Variants in SALL4 observed in about 807,000 individuals in gnomAD.
SALL4 encodes sal-like protein 4.
Under a neutral mutation model 60.8 loss-of-function variants are expected in SALL4, and 4 were observed. The ratio of observed to expected loss-of-function variants is 0.07; its 90% CI spans 0.03 to 0.15. The LOEUF is 0.15. SALL4 is among the 10% of genes least tolerant of loss of function. The pLI, the probability that SALL4 is intolerant of heterozygous loss-of-function variation, is 1.00. For missense variants in SALL4, 1,178 were observed against 1,394.7 expected (o/e 0.84, Z 2.48); for synonymous variants, 580 against 574.9 (o/e 1.01, Z -0.13).
rs376632759 is a variant in SALL4, at chr20:51,791,908, G to T, written c.575C>A (p.Ala192Glu). The T allele has an allele frequency of 9.0e-5, 146 of 1,614,190 alleles. No individual in the cohort carries two copies. The highest frequency in any genetic ancestry group is 8.2e-4 in the Middle Eastern group (5 of 6,062). The part of the protein sequence containing the change: ...TLQALRGTKV[A>E]VNQRSADALP... ...TGCATCCGCGCTCCGCTGATTCACC[G>T]CCACCTTGGTGCCCCGTAGTGCCTG... Residue 192 changes from alanine to glutamate, a missense_variant, in exon 2 of 4, where the codon GCG becomes GAG. Physicochemically the swap from Ala to Glu is moderately radical, Grantham distance 107. Around this residue, in one of 5 missense-constraint regions of SALL4, gnomAD observed 853 missense variants for 1,036.8 expected, o/e 0.82. Coordinates refer to ENST00000217086, the MANE Select transcript of SALL4 (RefSeq NM_020436.5). The surrounding 1 kb of genome is among the most constrained non-coding windows in gnomAD (Gnocchi z 4.6).
At position 51,784,475 on chromosome 20, in the gene SALL4, G is replaced by A; in HGVS notation, c.2952C>T (p.Thr984=). The change falls in exon 4 of 4, where the codon ACC becomes ACT. Residue 984 remains threonine, a synonymous_variant. Coordinates refer to ENST00000217086, the MANE Select transcript of SALL4 (RefSeq NM_020436.5). ...CACTCTGGATCACAGAGATCTCATT[G>A]GTCTTCACGGCCAGACCGCCATTGA... The part of the protein sequence containing the change: ...SMLNGGLAVK[T]NEISVIQSGG... 1 of 1,614,170 alleles carries A rather than the reference G, an allele frequency of 6.2e-7. No individual in the cohort carries two copies. Among genetic ancestry groups the A allele is most frequent in the Admixed American group, 1.7e-5 (1 of 60,018 alleles).
At position 51,791,274 on chromosome 20, in the gene SALL4, G is replaced by A. The variant is rs2078038422; in HGVS notation, c.1209C>T (p.Ser403=). ...ACACGAAGGGTCTCTCTCCAGTGTG[G>A]GAGCGGAGGTGGATCTGCAAGGAGC... The part of the protein sequence containing the change: ...TDSSLQIHLR[S]HTGERPFVCS... The change falls in exon 2 of 4, where the codon TCC becomes TCT. Residue 403 remains serine (S), a synonymous_variant. Transcript: ENST00000217086. The surrounding 1 kb of genome is among the most constrained non-coding windows in gnomAD (Gnocchi z 4.6). The A allele has an allele frequency of 6.2e-7, 1 of 1,614,122 alleles. No individual in the cohort carries two copies. The highest frequency in any genetic ancestry group is 8.5e-7 in the Non-Finnish European group (1 of 1,180,034).
chr20:51,790,195 G>A lies in SALL4; in HGVS notation c.2288C>T (p.Ser763Leu), dbSNP rs2078025111. 2 of 1,614,144 alleles carry A rather than the reference G, an allele frequency of 1.2e-6. No homozygotes were observed. Among genetic ancestry groups the A allele is most frequent in the Non-Finnish European group, 1.7e-6 (2 of 1,180,032 alleles). ...CTCCTGGTCTCCCATCAGCGAGGAT[G>A]AGTCGTTGGTCAAGCCATCGCTCTC... Reference protein sequence around the residue: ...SVESDGLTNDSSSLMGDQEYQ... With the variant: ...SVESDGLTNDLSSLMGDQEYQ... The change falls in exon 2 of 4, where the codon TCA becomes TTA. Residue 763 changes from serine to leucine, a missense_variant. Transcript: ENST00000217086. The surrounding 1 kb of genome is among the most constrained non-coding windows in gnomAD (Gnocchi z 5.5).
intron 3 of SALL4, among the ~76,000 whole-genome samples, chr20:51,786,937 A>G (rs952073496): frequency 3.4e-4 from 52 of 152,188 alleles, no homozygotes; most frequent in African/African-American, 1.3e-3. Context: ...TCTACTAAAA[A>G]TACAAACAGT....
At chr20:51,798,205 C>T (rs1166803415) in intron 1 of SALL4, among the ~76,000 whole-genome samples, 2 of 152,160 alleles carry the variant, frequency 1.3e-5, no homozygotes, top group Admixed American at 6.5e-5. Context: ...CTAAAAAAGG[C>T]AAAGTTTCAA....
chr20:51,799,498 G>A (rs1419242039), intron 1 of SALL4, among the ~76,000 whole-genome samples: 1 of 152,184 alleles, frequency 6.6e-6, no homozygotes, highest in African/African-American at 2.4e-5. Flanking sequence ...ACAGCAGCAC[G>A]AATGACAAAG....
chr20:51,794,204 T>TGA (rs1256956183), intron 1 of SALL4, among the ~76,000 whole-genome samples: 1 of 152,212 alleles, frequency 6.6e-6, no homozygotes, highest in Non-Finnish European at 1.5e-5. Flanking sequence ...GGTGAAAAGA[T>TGA]GAGCCCCATT....
intron 1 of SALL4, among the ~76,000 whole-genome samples, chr20:51,796,337 C>G (rs1056459992): frequency 1.3e-5 from 2 of 151,900 alleles, no homozygotes; most frequent in African/African-American, 4.8e-5. Flanking sequence ...CAAGCAAGAA[C>G]AAAAACATAC....
intron 3 of SALL4, among the ~76,000 whole-genome samples, chr20:51,785,700 G>A (rs1309718952): frequency 2.0e-5 from 3 of 151,790 alleles, no homozygotes; most frequent in Non-Finnish European, 4.4e-5. Flanking sequence ...CTGGAGTGCA[G>A]TGGCGCAATC....
chr20:51,790,439 T>G lies in SALL4; in HGVS notation c.2044A>C (p.Ile682Leu), dbSNP rs1006397495. 1 of 1,614,136 alleles carries G rather than the reference T, an allele frequency of 6.2e-7. No homozygotes were observed. The highest frequency in any genetic ancestry group is 8.5e-7 in the Non-Finnish European group (1 of 1,180,032). Reference protein sequence around the residue: ...TVGENGSTGAICHDDVIESID... With the variant: ...TVGENGSTGALCHDDVIESID... The stretch of plus-strand genomic sequence containing the variant: ...CTTTCGATGACATCATCATGGCAGA[T>G]AGCGCCGGTGCTGCCGTTCTCACCC... Residue 682 changes from isoleucine to leucine, a missense_variant, in exon 2 of 4, where the codon ATC becomes CTC. Ile to Leu is a conservative substitution (Grantham distance 5). Coordinates refer to ENST00000217086, the MANE Select transcript of SALL4 (RefSeq NM_020436.5). This position sits in a 1 kb window ranked among gnomAD's most constrained non-coding sequence, Gnocchi z 5.5.
chr20:51,784,677 T>C lies in SALL4; in HGVS notation c.2750A>G (p.Tyr917Cys). The change falls in exon 4 of 4, where the codon TAC (tyrosine) becomes TGC (cysteine). Residue 917 changes from tyrosine to cysteine, a missense_variant. Tyr to Cys is a radical substitution (Grantham distance 194, BLOSUM62 -2). Coordinates refer to ENST00000217086, the MANE Select transcript of SALL4 (RefSeq NM_020436.5). The part of the protein sequence containing the change: ...FTTKGNLKVH[Y>C]MTHGANNNSA... ...GTTATTGTTCGCCCCGTGTGTCATG[T>C]AGTGAACCTATGGGAACAGGACAGA... 2.5e-6 allele frequency: 4 copies of C among 1,614,218 alleles called. No homozygotes were observed. Among genetic ancestry groups the C allele is most frequent in the Non-Finnish European group, 3.4e-6 (4 of 1,180,042 alleles).
chr20:51,782,594 T>C lies in SALL4; in HGVS notation c.*1671A>G, dbSNP rs929066857. 7.1e-6 allele frequency: 1 copy of C among 140,540 alleles called. No homozygotes were observed. The highest frequency in any genetic ancestry group is 1.5e-5 in the Non-Finnish European group (1 of 65,868). 8.7% of individuals were successfully genotyped at this position (140,540 alleles called of 1,614,324 possible). A position where few individuals can be genotyped will look rare whatever the true frequency, so the allele number is the denominator to read the frequency against. On this transcript the variant is annotated 3_prime_UTR_variant, in exon 4 of 4. Coordinates refer to ENST00000217086, the MANE Select transcript of SALL4 (RefSeq NM_020436.5). ...AAAAAAGGGGGGCGGAATCCTAAAGTCAGGTGCAACGATGAAGAGACAACA... is the reference window on the plus strand; with the variant it reads ...AAAAAAGGGGGGCGGAATCCTAAAGCCAGGTGCAACGATGAAGAGACAACA...
At chr20:51,785,544 T>C (rs1206127007) in intron 3 of SALL4, among the ~76,000 whole-genome samples, 1 of 152,222 alleles carries the variant, frequency 6.6e-6, no homozygotes. Flanking sequence ...ATGGGGCTTA[T>C]AGTCTCCAAC....
chr20:51,802,090 AGT>A (rs1269856404), intron 1 of SALL4, among the ~76,000 whole-genome samples, 187 bp downstream of exon 1: 2 of 151,820 alleles, frequency 1.3e-5, no homozygotes, highest in Non-Finnish European at 2.9e-5. Flanking sequence ...AGAGGAAAAA[AGT>A]GTGAAATGTG....
Position 51,788,386 on chromosome 20 carries a change from G to A in SALL4, c.2742+475C>T, listed in dbSNP as rs1170784143. The stretch of plus-strand genomic sequence containing the variant: ...AGACGTTGTCTCCCTATGTTGCCAG[G>A]CTGGTCTCAAACTCCTGGACTCAGC... On this transcript the variant is annotated intron_variant, in intron 3 of 3. Coordinates refer to ENST00000217086, the MANE Select transcript of SALL4 (RefSeq NM_020436.5). The surrounding 1 kb of genome is among the most constrained non-coding windows in gnomAD (Gnocchi z 4.1). Among the ~76,000 whole-genome samples the A allele has an allele frequency of 6.6e-6, 1 of 151,520 alleles. No individual in the cohort carries two copies. Among genetic ancestry groups the A allele is most frequent in the Non-Finnish European group, 1.5e-5 (1 of 67,946 alleles).
At position 51,790,995 on chromosome 20, in the gene SALL4, C is replaced by T. The variant is rs776689678; in HGVS notation, c.1488G>A (p.Lys496=). 1 of 1,614,180 alleles carries T rather than the reference C, an allele frequency of 6.2e-7. No individual in the cohort carries two copies. Among genetic ancestry groups the T allele is most frequent in the South Asian group, 1.1e-5 (1 of 91,080 alleles). Residue 496 remains lysine, a synonymous_variant, in exon 2 of 4, where the codon AAG becomes AAA. Coordinates refer to ENST00000217086, the MANE Select transcript of SALL4 (RefSeq NM_020436.5). The surrounding 1 kb of genome is among the most constrained non-coding windows in gnomAD (Gnocchi z 5.5). Reference sequence around the variant, plus strand: ...CGGGCAAGGAGCCACCCGTGAGGTCCTTGGGATTAGTCCCCGAAGAAAGAT... The same window carrying T: ...CGGGCAAGGAGCCACCCGTGAGGTCTTTGGGATTAGTCCCCGAAGAAAGAT... ...PQNLSSGTNP[K]DLTGGSLPGD... is the part of the protein sequence containing the mutation.
rs1361178217 is a variant in SALL4, at chr20:51,791,381, C to T, written c.1102G>A (p.Ala368Thr). The T allele has an allele frequency of 2.0e-5, 32 of 1,614,050 alleles. No individual in the cohort carries two copies. The highest frequency in any genetic ancestry group is 2.5e-5 in the Non-Finnish European group (30 of 1,180,042). The change falls in exon 2 of 4, where the codon GCG becomes ACG. Residue 368 changes from alanine to threonine, a missense_variant. Ala to Thr is a moderately conservative substitution (Grantham distance 58). Transcript: ENST00000217086. The surrounding 1 kb of genome is among the most constrained non-coding windows in gnomAD (Gnocchi z 4.6). ...TCGTCTTTGGGTTTGACATCCACCGCGGAGATGTTCGGTGGCTTCCCCTTC... is the reference window on the plus strand; with the variant it reads ...TCGTCTTTGGGTTTGACATCCACCGTGGAGATGTTCGGTGGCTTCCCCTTC... Reference protein sequence around the residue: ...KGKGKPPNISAVDVKPKDEAA... With the variant: ...KGKGKPPNISTVDVKPKDEAA...
chr20:51,798,465 T>TGGGGGGGGGGGGG (rs926078731), intron 1 of SALL4, among the ~76,000 whole-genome samples: 3 of 51,728 alleles, frequency 5.8e-5, no homozygotes, highest in Non-Finnish European at 8.2e-5. Context: ...GGGGCGGGGG[T>TGGGGGGGGGGGGG]GGGGGGGGAT....
At position 51,789,175 on chromosome 20, in the gene SALL4, A is replaced by G; in HGVS notation, c.2462-34T>C. ...CAGAGGGGAAAAAAGCCAGACCTTTATCATCCAACCTTCATTCTTTCTCTT... is the reference window on the plus strand; with the variant it reads ...CAGAGGGGAAAAAAGCCAGACCTTTGTCATCCAACCTTCATTCTTTCTCTT... On this transcript the variant is annotated intron_variant, in intron 2 of 3. Coordinates refer to ENST00000217086, the MANE Select transcript of SALL4 (RefSeq NM_020436.5). The G allele has an allele frequency of 1.9e-6, 3 of 1,611,064 alleles. No individual in the cohort carries two copies. In the South Asian group the frequency reaches 3.3e-5, roughly 18 times the overall value.
Sources: allele counts gnomAD v4.1 joint callset (sites outside exome capture counted in the v4.1 genomes callset), GRCh38; gene constraint gnomAD v4.1.1; regional missense constraint gnomAD v4.1.1; non-coding constraint Gnocchi (gnomAD v3.1); transcripts MANE v1.5; gene names NCBI Gene and HGNC (gene_info 2026-07-23, HGNC 2026-07-21).